Variants in ELMO1 observed in about 807,000 individuals in gnomAD.
The protein encoded by ELMO1 is engulfment and cell motility protein 1.
A neutral mutation model predicts 98.9 loss-of-function variants in ELMO1; 26 were observed. That is an observed-to-expected ratio of 0.26 (90% CI 0.19 to 0.36). The LOEUF (loss-of-function observed/expected upper bound fraction) is 0.36, where lower values mean the gene tolerates loss of function less well. Ranked by LOEUF, ELMO1 falls within the 10% of genes least tolerant of loss-of-function variation. The pLI, the probability that ELMO1 is intolerant of heterozygous loss-of-function variation, is 1.00. For synonymous variants in ELMO1, 346 were observed against 346.0 expected (o/e 1.00, Z 0.00); for missense variants, 627 against 935.2 (o/e 0.67, Z 4.30).
intron 16 of ELMO1, among the ~76,000 whole-genome samples, chr7:36,965,437 G>A (rs996044121): frequency 1.3e-5 from 2 of 152,122 alleles, no homozygotes; most frequent in South Asian, 2.1e-4. Flanking sequence ...GATTGTTTTC[G>A]GACTCAGCTA....
chr7:37,084,458 T>G (rs1783653461), intron 15 of ELMO1, among the ~76,000 whole-genome samples: 2 of 152,156 alleles, frequency 1.3e-5, no homozygotes, highest in Non-Finnish European at 2.9e-5. Context: ...TCAAAGGGCT[T>G]ACAGTCTGTA....
intron 2 of ELMO1, among the ~76,000 whole-genome samples, chr7:37,321,513 C>A (rs979880443): frequency 1.3e-5 from 2 of 151,660 alleles, no homozygotes; most frequent in African/African-American, 2.4e-5. Context: ...GTCAGGAGAT[C>A]GAGAGCATCC....
intron 13 of ELMO1, among the ~76,000 whole-genome samples, chr7:37,178,524 C>A (rs1790635531): frequency 6.6e-6 from 1 of 151,968 alleles, no homozygotes; most frequent in Non-Finnish European, 1.5e-5. Flanking sequence ...ATCGCCTGAG[C>A]CCAGGAGGCA....
At chr7:37,069,576 G>C (rs1797162922) in intron 15 of ELMO1, among the ~76,000 whole-genome samples, 1 of 152,222 alleles carries the variant, frequency 6.6e-6, no homozygotes, top group South Asian at 2.1e-4. Flanking sequence ...ATGACTAATA[G>C]GTGCTAAAAT....
At position 36,855,506 on chromosome 7, in the gene ELMO1, C is replaced by T. The variant is rs1802127538; in HGVS notation, c.*45G>A. 1 of 1,610,486 alleles carries T rather than the reference C, an allele frequency of 6.2e-7. No individual in the cohort carries two copies. Among genetic ancestry groups the T allele is most frequent in the African/African-American group, 1.3e-5 (1 of 74,830 alleles). ...TGTTTTCATTCCTCTCTCCTGTTAG[C>T]TAGGTGTTCCAGTTTTGGAAGGGGC... On this transcript the variant is annotated 3_prime_UTR_variant, in exon 22 of 22. Coordinates refer to ENST00000310758, the MANE Select transcript of ELMO1 (RefSeq NM_014800.11). This position sits in a 1 kb window ranked among gnomAD's most constrained non-coding sequence, Gnocchi z 4.2.
chr7:37,287,194 CAA>C lies in ELMO1; in HGVS notation c.193-15314_193-15313del, dbSNP rs59637350. Among the ~76,000 whole-genome samples, 435 of 99,886 alleles carry C rather than the reference CAA, an allele frequency of 4.4e-3. 4 individuals carry two copies. Among genetic ancestry groups the C allele is most frequent in the African/African-American group, 0.014 (413 of 30,340 alleles). The allele number at this position is 99,886 out of a possible 152,430, so 65.5% of individuals were successfully genotyped here. On this transcript the variant is annotated intron_variant, in intron 4 of 21. Coordinates refer to ENST00000310758, the MANE Select transcript of ELMO1 (RefSeq NM_014800.11). Reference sequence around the variant, plus strand: ...GGCAACAGAGCAAGAGACTCCTTCTCAAAAAAAAAAAAAAAAATTGTATCATA... The same window carrying C: ...GGCAACAGAGCAAGAGACTCCTTCTCAAAAAAAAAAAAAAATTGTATCATA...
chr7:36,999,123 A>C (rs1792442370), intron 16 of ELMO1, among the ~76,000 whole-genome samples: 1 of 151,982 alleles, frequency 6.6e-6, no homozygotes, highest in South Asian at 2.1e-4. Context: ...TCTAGGAGGG[A>C]GGGTGGTGAG....
intron 13 of ELMO1, among the ~76,000 whole-genome samples, chr7:37,155,503 A>AAATAAAAAAAAAAT (rs1788692635): frequency 2.3e-5 from 3 of 131,738 alleles, no homozygotes; most frequent in Non-Finnish European, 4.8e-5. Context: ...AAAAAAAAAA[A>AAATAAAAAAAAAAT]AAAAAGCAGG....
intron 1 of ELMO1, among the ~76,000 whole-genome samples, chr7:37,391,488 T>C (rs534195781): frequency 6.6e-6 from 1 of 152,308 alleles, no homozygotes; most frequent in Admixed American, 6.5e-5. Flanking sequence ...AAATATAAAA[T>C]TACACTAAGT....
intron 15 of ELMO1, among the ~76,000 whole-genome samples, chr7:37,070,406 C>A (rs1016319777): frequency 1.3e-5 from 2 of 152,166 alleles, no homozygotes; most frequent in Non-Finnish European, 2.9e-5. Flanking sequence ...TCTTTTTCAT[C>A]TATAGTAGAG....
In ELMO1 at chr7:37,413,624, C is replaced by T. The variant is rs61430904; in HGVS notation, c.-74+35051G>A. Among the ~76,000 whole-genome samples the T allele has an allele frequency of 6.8e-3, 1,029 of 152,206 alleles. 12 individuals carry two copies. Among genetic ancestry groups the T allele is most frequent in the African/African-American group, 0.024 (990 of 41,510 alleles). On this transcript the variant is annotated intron_variant, in intron 1 of 21. Transcript: ENST00000310758. ...ATGCCCTTAGCTCTCTTTTTCTTGC[C>T]ATCTAAAGTTCCAGCATGTCACTCA... is the stretch of plus-strand genomic sequence containing the variant.
intron 4 of ELMO1, among the ~76,000 whole-genome samples, chr7:37,281,244 G>T (rs538283105): frequency 1.3e-5 from 2 of 151,228 alleles, no homozygotes; most frequent in African/African-American, 2.4e-5. Flanking sequence ...GAGCGGGAGG[G>T]GGGTGAGGGA....
rs559391744 is a variant in ELMO1 at position 37,167,415 on chromosome 7, T to A, written c.1087-34181A>T. Among the ~76,000 whole-genome samples, 369 of 152,152 alleles carry A rather than the reference T, an allele frequency of 2.4e-3. 1 individual carries two copies. The highest frequency in any genetic ancestry group is 8.6e-3 in the African/African-American group (357 of 41,494). On this transcript the variant is annotated intron_variant, in intron 13 of 21. Coordinates refer to ENST00000310758, the MANE Select transcript of ELMO1 (RefSeq NM_014800.11). ...GCTGGTTATTTTGCTCGTTAGTTGA[T>A]GCAGTTTCTTCCTAGTCTCAATGGT...
At chr7:37,280,648 G>A (rs539337399) in intron 4 of ELMO1, among the ~76,000 whole-genome samples, 2 of 152,044 alleles carry the variant, frequency 1.3e-5, no homozygotes, top group African/African-American at 4.8e-5. Flanking sequence ...ACCACAATGC[G>A]ATATCACTTT....
intron 13 of ELMO1, chr7:37,204,421 C>T: frequency 6.7e-6 from 2 of 299,304 alleles, no homozygotes; most frequent in South Asian, 5.6e-5. Context: ...GTTCATTCCT[C>T]CTGGTGGGTT....
chr7:36,867,391 T>C (rs1022707167), intron 20 of ELMO1, among the ~76,000 whole-genome samples: 3 of 152,220 alleles, frequency 2.0e-5, no homozygotes, highest in Admixed American at 6.5e-5. Flanking sequence ...ACATCTGTTA[T>C]ATGGGTGACT....
chr7:37,374,992 G>GA (rs1200376294), intron 1 of ELMO1, among the ~76,000 whole-genome samples: 1 of 152,100 alleles, frequency 6.6e-6, no homozygotes, highest in African/African-American at 2.4e-5. Context: ...CCAGGAGGTG[G>GA]AGGTTGCGGT....
chr7:37,097,625 AG>A (rs1784430197), intron 14 of ELMO1, among the ~76,000 whole-genome samples: 1 of 152,058 alleles, frequency 6.6e-6, no homozygotes, highest in Admixed American at 6.6e-5. Flanking sequence ...AAAGAAAGAA[AG>A]AAAGAAAGAA....
intron 7 of ELMO1, among the ~76,000 whole-genome samples, chr7:37,240,248 A>G (rs111675112): frequency 0.16 from 23,992 of 151,796 alleles, 2,479 homozygotes; most frequent in African/African-American, 0.28. Context: ...CATGTTACCC[A>G]GGCTGGTCTT....
Sources: gnomAD v4.1 joint callset for allele counts (sites outside exome capture counted in the v4.1 genomes callset) on GRCh38, gnomAD v4.1.1 for gene constraint, Gnocchi (gnomAD v3.1) non-coding constraint, MANE v1.5 for transcripts, NCBI Gene and HGNC (gene_info 2026-07-23, HGNC 2026-07-21) for gene names.